CATSPER3: variants seen among roughly 807,000 people sequenced by gnomAD.
The protein encoded by CATSPER3 is cation channel sperm associated 3, also known as cation channel sperm-associated protein 3.
Under a neutral mutation model 36.6 loss-of-function variants are expected in CATSPER3, and 23 were observed. That is an observed-to-expected ratio of 0.63 (90% confidence interval 0.45 to 0.89). CATSPER3 has a LOEUF of 0.89. Among genes scored for constraint, CATSPER3 ranks in the 40% least tolerant of loss-of-function variants. The pLI, the probability that CATSPER3 is intolerant of heterozygous loss-of-function variation, is 0.00. For missense variants in CATSPER3, 474 were observed against 503.9 expected (o/e 0.94, Z 0.57); for synonymous variants, 172 against 184.1 (o/e 0.93, Z 0.53).
At chr5:135,010,679 C>T (rs1290650729) in intron 7 of CATSPER3, 149 bp downstream of exon 7, 9 of 763,268 alleles carry the variant, frequency 1.2e-5, no homozygotes, top group Non-Finnish European at 2.0e-5. Context: ...TTACAGGATT[C>T]CATATATACA....
chr5:134,993,178 A>G lies in CATSPER3; in HGVS notation c.253-3095A>G, dbSNP rs557605721. On this transcript the variant is annotated intron_variant, in intron 2 of 7. Transcript: ENST00000282611. ...ACAACATGGAATGAACCTTGGAAAC[A>G]TTCCATGAAGTGAAAAAAGCCAGAC... Among the ~76,000 whole-genome samples, 169 of 152,348 alleles carry G rather than the reference A, an allele frequency of 1.1e-3. 2 individuals carry two copies. Among genetic ancestry groups the G allele is most frequent in the African/African-American group, 3.6e-3 (149 of 41,572 alleles).
At chr5:134,996,023 C>T (rs919087712) in intron 2 of CATSPER3, among the ~76,000 whole-genome samples, 1 of 152,190 alleles carries the variant, frequency 6.6e-6, no homozygotes, top group African/African-American at 2.4e-5. Context: ...ATTCTGTCTG[C>T]CAGGCAGTCA....
intron 2 of CATSPER3, among the ~76,000 whole-genome samples, chr5:134,970,489 A>C (rs1384770947): frequency 6.6e-6 from 1 of 152,094 alleles, no homozygotes; most frequent in Admixed American, 6.5e-5. Flanking sequence ...ATTTTGCTTC[A>C]AGAAATTTTC....
intron 3 of CATSPER3, among the ~76,000 whole-genome samples, chr5:135,004,844 AGGTAGAT>A (rs1752065361): frequency 6.6e-6 from 1 of 152,144 alleles, no homozygotes; most frequent in African/African-American, 2.4e-5. Context: ...TCCCAGGATA[AGGTAGAT>A]GGTGGCCCCC....
In CATSPER3 at chr5:135,011,678, T is replaced by C. The variant is rs1000217408; in HGVS notation, c.*55T>C. 3.3e-6 allele frequency: 4 copies of C among 1,203,558 alleles called. No individual in the cohort carries two copies. The highest frequency in any genetic ancestry group is 1.8e-5 in the Admixed American group (1 of 55,778). 74.6% of individuals were successfully genotyped at this position (1,203,558 alleles called of 1,614,324 possible). On this transcript the variant is annotated 3_prime_UTR_variant, in exon 8 of 8. Coordinates refer to ENST00000282611, the MANE Select transcript of CATSPER3 (RefSeq NM_178019.3). The stretch of plus-strand genomic sequence containing the variant: ...CCTTGCAGACCATGACAGGTCCCTA[T>C]TAAACACAGGCTTTCTGAGTTGTCC...
chr5:134,971,106 C>T (rs1580901010), intron 2 of CATSPER3, among the ~76,000 whole-genome samples: 2 of 152,198 alleles, frequency 1.3e-5, no homozygotes, highest in South Asian at 2.1e-4. Context: ...CCCGCCACAA[C>T]GCCCGGCTAA....
At chr5:135,001,035 C>CT (rs1267120390) in intron 3 of CATSPER3, among the ~76,000 whole-genome samples, 2 of 152,150 alleles carry the variant, frequency 1.3e-5, no homozygotes, top group African/African-American at 4.8e-5. Context: ...AATTTTAGAT[C>CT]TTTCCTGCTT....
rs117499291 is a variant in CATSPER3, at chr5:134,975,765, C to T, written c.252+5673C>T. ...ACTACCATATGATTCAACAATCCCA[C>T]TACTAAGTATATAGCCAAAGAAAAT... On this transcript the variant is annotated intron_variant, in intron 2 of 7. Coordinates refer to ENST00000282611, the MANE Select transcript of CATSPER3 (RefSeq NM_178019.3). Among the ~76,000 whole-genome samples, 24 of 152,306 alleles carry T rather than the reference C, an allele frequency of 1.6e-4. No homozygotes were observed. In the East Asian group the frequency reaches 2.9e-3, roughly 18 times the overall value.
At chr5:134,969,451 T>A in intron 1 of CATSPER3, 1 of 171,650 alleles carries the variant, frequency 5.8e-6, no homozygotes, top group Non-Finnish European at 1.3e-5. Context: ...CTTTGGTGTT[T>A]ATTTCATGAA....
intron 3 of CATSPER3, among the ~76,000 whole-genome samples, chr5:135,006,371 C>T (rs1458914793): frequency 1.3e-5 from 2 of 152,196 alleles, no homozygotes; most frequent in Non-Finnish European, 2.9e-5. Flanking sequence ...CTCTCCGCAA[C>T]CCTTCTGCAC....
At chr5:134,978,063 C>A (rs1751696756) in intron 2 of CATSPER3, among the ~76,000 whole-genome samples, 1 of 152,166 alleles carries the variant, frequency 6.6e-6, no homozygotes, top group Non-Finnish European at 1.5e-5. Flanking sequence ...GGCCCCATCT[C>A]CAACACTGGG....
chr5:134,986,949 A>G (rs766551108), intron 2 of CATSPER3, among the ~76,000 whole-genome samples: 1 of 152,234 alleles, frequency 6.6e-6, no homozygotes, highest in Non-Finnish European at 1.5e-5. Flanking sequence ...ACCTAACTTT[A>G]TGCCTTAAGG....
chr5:134,981,587 T>C (rs1024996343), intron 2 of CATSPER3, among the ~76,000 whole-genome samples: 2 of 152,170 alleles, frequency 1.3e-5, no homozygotes, highest in African/African-American at 4.8e-5. Flanking sequence ...TATAGTTCTT[T>C]GCAAAAATAG....
At chr5:135,002,801 C>T (rs916902656) in intron 3 of CATSPER3, among the ~76,000 whole-genome samples, 2 of 152,126 alleles carry the variant, frequency 1.3e-5, no homozygotes, top group Non-Finnish European at 2.9e-5. Flanking sequence ...TTTTCAGCTC[C>T]GTCAGGTCAT....
intron 3 of CATSPER3, among the ~76,000 whole-genome samples, chr5:135,007,204 T>G (rs1461207931): frequency 6.6e-6 from 1 of 152,224 alleles, no homozygotes; most frequent in Non-Finnish European, 1.5e-5. Context: ...AGTGTGACCC[T>G]GGCCAAGACA....
chr5:134,973,725 A>G (rs1751634820), intron 2 of CATSPER3, among the ~76,000 whole-genome samples: 1 of 152,176 alleles, frequency 6.6e-6, no homozygotes, highest in South Asian at 2.1e-4. Flanking sequence ...AAACTCATTA[A>G]ATAATCTGTG....
intron 2 of CATSPER3, among the ~76,000 whole-genome samples, chr5:134,993,012 C>G (rs1445186278): frequency 2.0e-5 from 3 of 152,162 alleles, no homozygotes; most frequent in African/African-American, 7.2e-5. Flanking sequence ...AGCCTAAATG[C>G]CCATCAACAG....
At chr5:134,997,092 G>A (rs1580911387) in intron 3 of CATSPER3, among the ~76,000 whole-genome samples, 1 of 152,228 alleles carries the variant, frequency 6.6e-6, no homozygotes, top group Non-Finnish European at 1.5e-5. Context: ...CTTGAATCGT[G>A]CCCTCAGGCA....
intron 2 of CATSPER3, among the ~76,000 whole-genome samples, chr5:134,993,279 G>T (rs1343367995): frequency 6.6e-6 from 1 of 152,186 alleles, no homozygotes; most frequent in Non-Finnish European, 1.5e-5. Flanking sequence ...TCAGAGAGTA[G>T]ACTAGAGATT....
Sources: allele counts gnomAD v4.1 joint callset (sites outside exome capture counted in the v4.1 genomes callset), GRCh38; gene constraint gnomAD v4.1.1; transcripts MANE v1.5; gene names NCBI Gene and HGNC (gene_info 2026-07-23, HGNC 2026-07-21).